LRPAP1: variants seen among roughly 807,000 people sequenced by gnomAD.
The protein encoded by LRPAP1 is alpha-2-macroglobulin receptor-associated protein.
Under a neutral mutation model 39.9 loss-of-function variants are expected in LRPAP1, and 41 were observed. That is an observed-to-expected ratio of 1.03 (90% CI 0.80 to 1.33). The LOEUF (loss-of-function observed/expected upper bound fraction) is 1.33, where lower values mean the gene tolerates loss of function less well. Ranked by LOEUF, LRPAP1 falls within the 40% of genes most tolerant of loss-of-function variation. The pLI is 0.00. For synonymous variants in LRPAP1, 263 were observed against 212.7 expected (o/e 1.24, Z -2.06); for missense variants, 565 against 482.3 (o/e 1.17, Z -1.61).
intron 1 of LRPAP1, 156 bp downstream of exon 1, chr4:3,532,053 G>A (rs1261281777): frequency 1.2e-6 from 1 of 821,292 alleles, no homozygotes; most frequent in South Asian, 1.8e-5. Flanking sequence ...CGCCCCACCT[G>A]ACACTTGGGG....
rs1032120359 is a variant in LRPAP1 at position 3,508,370 on chromosome 4, T to C, written c.*4604A>G. On this transcript the variant is annotated 3_prime_UTR_variant, in exon 8 of 8. Transcript: ENST00000650182. ...CTAAGCAAAAAGAAAATGGCAGGCA[T>C]AGATGGCCTCACCCATCACATCTCT... 5.9e-5 allele frequency: 9 copies of C among 152,288 alleles called. No individual in the cohort carries two copies. Among genetic ancestry groups the C allele is most frequent in the African/African-American group, 2.2e-4 (9 of 41,566 alleles). 9.4% of individuals were successfully genotyped at this position (152,288 alleles called of 1,614,324 possible). A position where few individuals can be genotyped will look rare whatever the true frequency, so the allele number is the denominator to read the frequency against.
In LRPAP1 at chr4:3,518,878, C is replaced by T; in HGVS notation, c.585G>A (p.Arg195=). The change falls in exon 4 of 8, where the codon AGG becomes AGA. Residue 195 remains arginine (R), a synonymous_variant. Transcript: ENST00000650182. ...EYNVLLETLS[R]TEEIHENVIS... ...GGTGGGGGCGGGGGGCACCTTCGGTCCTGCTCAGGGTCTCCAGCAGGACGT... is the reference window on the plus strand; with the variant it reads ...GGTGGGGGCGGGGGGCACCTTCGGTTCTGCTCAGGGTCTCCAGCAGGACGT... The T allele has an allele frequency of 1.2e-6, 2 of 1,602,934 alleles. No homozygotes were observed. The highest frequency in any genetic ancestry group is 1.7e-6 in the Non-Finnish European group (2 of 1,175,684).
chr4:3,515,074 G>A (rs1307394597), intron 6 of LRPAP1, 146 bp from the exon 7 acceptor site: 89 of 880,590 alleles, frequency 1.0e-4, no homozygotes, highest in Non-Finnish European at 4.6e-5. Context: ...ATGAGGGGGC[G>A]GCAGCTGGGA....
At chr4:3,515,376 C>T (rs1729659878) in intron 6 of LRPAP1, among the ~76,000 whole-genome samples, 3 of 152,210 alleles carry the variant, frequency 2.0e-5, no homozygotes, top group African/African-American at 7.2e-5. Context: ...CATGTGGCCC[C>T]ACCTGCCAAG....
intron 1 of LRPAP1, among the ~76,000 whole-genome samples, chr4:3,530,187 C>T (rs942277837): frequency 4.6e-5 from 7 of 152,138 alleles, no homozygotes; most frequent in African/African-American, 7.2e-5. Flanking sequence ...CTGGCACGCT[C>T]GGCAGAAAGA....
rs373988038 is a variant in LRPAP1, at chr4:3,509,292, C to T, written c.*3682G>A. 26 of 81,036 alleles carry T rather than the reference C, an allele frequency of 3.2e-4. No individual in the cohort carries two copies. In the East Asian group the frequency reaches 4.0e-3, roughly 12 times the overall value. 5.0% of individuals were successfully genotyped at this position (81,036 alleles called of 1,614,324 possible). A position where few individuals can be genotyped will look rare whatever the true frequency, so the allele number is the denominator to read the frequency against. ...TGGACACCGGAGACTGTTGAGACGC[C>T]GACTGGAGTCACACACGGCAGTCAA... On this transcript the variant is annotated 3_prime_UTR_variant, in exon 8 of 8. Coordinates refer to ENST00000650182, the MANE Select transcript of LRPAP1 (RefSeq NM_002337.4).
At chr4:3,516,407 C>T (rs916818136) in intron 5 of LRPAP1, among the ~76,000 whole-genome samples, 4 of 94,100 alleles carry the variant, frequency 4.3e-5, no homozygotes, top group Admixed American at 9.3e-5. Flanking sequence ...TGAAATGTGG[C>T]TTCTCTGTCC....
At chr4:3,528,300 C>T (rs1211023647) in intron 1 of LRPAP1, among the ~76,000 whole-genome samples, 2 of 152,238 alleles carry the variant, frequency 1.3e-5, no homozygotes, top group African/African-American at 4.8e-5. Context: ...GATCAAACGA[C>T]GCCGGTCCTG....
At chr4:3,527,727 G>A (rs1165014375) in intron 1 of LRPAP1, among the ~76,000 whole-genome samples, 1 of 152,188 alleles carries the variant, frequency 6.6e-6, no homozygotes, top group African/African-American at 2.4e-5. Context: ...GACTGCCCAT[G>A]GGCTGCCTGC....
At chr4:3,515,737 C>G (rs1017240687) in intron 6 of LRPAP1, 1 of 273,144 alleles carries the variant, frequency 3.7e-6, no homozygotes, top group Non-Finnish European at 7.1e-6. Context: ...CTCCTTCCCT[C>G]CCTGGGCCTC....
intron 1 of LRPAP1, among the ~76,000 whole-genome samples, chr4:3,526,551 T>C (rs1321355809): frequency 1.3e-5 from 2 of 152,238 alleles, no homozygotes; most frequent in Non-Finnish European, 2.9e-5. Flanking sequence ...GCCTTCCCAG[T>C]GTCCCGCAGC....
intron 3 of LRPAP1, 85 bp from the exon 4 acceptor site, chr4:3,519,076 A>C: frequency 6.4e-7 from 1 of 1,560,618 alleles, no homozygotes. Flanking sequence ...CCTCATGGCC[A>C]GGCAGGCCCT....
rs1043224670 is a variant in LRPAP1 at position 3,510,804 on chromosome 4, G to C, written c.*2170C>G. The C allele has an allele frequency of 6.6e-6, 1 of 152,314 alleles. No individual in the cohort carries two copies. Among genetic ancestry groups the C allele is most frequent in the Non-Finnish European group, 1.5e-5 (1 of 68,068 alleles). The allele number at this position is 152,314 out of a possible 1,614,324, so 9.4% of individuals were successfully genotyped here. On this transcript the variant is annotated 3_prime_UTR_variant, in exon 8 of 8. Transcript: ENST00000650182. ...ACAGACTGCCCAGAGCCATGCACGT[G>C]GAACCCATGGCAGGCGGGAGGTAGG...
intron 1 of LRPAP1, among the ~76,000 whole-genome samples, chr4:3,528,712 C>T (rs1035987396): frequency 3.3e-5 from 5 of 152,196 alleles, no homozygotes; most frequent in East Asian, 1.9e-4. Flanking sequence ...TGTCTCACCA[C>T]GGCAGGTGGC....
rs1415274923 is a variant in LRPAP1, at chr4:3,532,304, G to A, written c.109C>T (p.Arg37Trp). Residue 37 changes from arginine to tryptophan, a missense_variant, in exon 1 of 8, where the codon CGG becomes TGG. Arg to Trp is a moderately radical substitution (Grantham distance 101, BLOSUM62 -3). Transcript: ENST00000650182. Reference sequence around the variant, plus strand: ...GACGGCTTGGGCTGGTTCTTCTCCCGCGAGTACTTGCCGCCGTGGCTCGCA... The same window carrying A: ...GACGGCTTGGGCTGGTTCTTCTCCCACGAGTACTTGCCGCCGTGGCTCGCA... ...PAASHGGKYS[R>W]EKNQPKPSPK... The A allele has an allele frequency of 1.3e-6, 2 of 1,575,076 alleles. No individual in the cohort carries two copies. Among genetic ancestry groups the A allele is most frequent in the African/African-American group, 1.3e-5 (1 of 74,330 alleles).
Position 3,508,554 on chromosome 4 carries a change from A to G in LRPAP1, c.*4420T>C, listed in dbSNP as rs1183066016. The G allele has an allele frequency of 1.3e-5, 2 of 152,230 alleles. No individual in the cohort carries two copies. Among genetic ancestry groups the G allele is most frequent in the East Asian group, 3.8e-4 (2 of 5,198 alleles). The allele number at this position is 152,230 out of a possible 1,614,324, so 9.4% of individuals were successfully genotyped here. On this transcript the variant is annotated 3_prime_UTR_variant, in exon 8 of 8. Coordinates refer to ENST00000650182, the MANE Select transcript of LRPAP1 (RefSeq NM_002337.4). ...GAGCATTCCTACACAGGAGGTCCTTAGCCCGGTATGAGCAAATCTCATCTG... is the reference window on the plus strand; with the variant it reads ...GAGCATTCCTACACAGGAGGTCCTTGGCCCGGTATGAGCAAATCTCATCTG...
At position 3,513,061 on chromosome 4, in the gene LRPAP1, C is replaced by G. The variant is rs1217940375; in HGVS notation, c.1012-25G>C. 1.9e-6 allele frequency: 3 copies of G among 1,597,004 alleles called. No homozygotes were observed. The East Asian group carries it at 6.8e-5, about 36-fold the overall frequency. On this transcript the variant is annotated intron_variant, in intron 7 of 7. Coordinates refer to ENST00000650182, the MANE Select transcript of LRPAP1 (RefSeq NM_002337.4). The stretch of plus-strand genomic sequence containing the variant: ...CCTGTGGACAGAAACGTCTCATCAG[C>G]TGGGGACAGCGCGCCTCGAGGCCAG...
chr4:3,524,354 G>A (rs1730012808), intron 2 of LRPAP1, among the ~76,000 whole-genome samples: 1 of 152,236 alleles, frequency 6.6e-6, no homozygotes, highest in Non-Finnish European at 1.5e-5. Flanking sequence ...ACAACCAAGT[G>A]TCCATTCTGA....
intron 2 of LRPAP1, among the ~76,000 whole-genome samples, chr4:3,522,116 G>A (rs1213468377): frequency 6.6e-6 from 1 of 152,262 alleles, no homozygotes; most frequent in Non-Finnish European, 1.5e-5. Flanking sequence ...AGGCCTGCCT[G>A]TGAAGGCCGT....
Sources: gnomAD v4.1 joint callset for allele counts (sites outside exome capture counted in the v4.1 genomes callset) on GRCh38, gnomAD v4.1.1 for gene constraint, MANE v1.5 for transcripts, NCBI Gene and HGNC (gene_info 2026-07-23, HGNC 2026-07-21) for gene names.